DSG1: variants seen among roughly 807,000 people sequenced by gnomAD.
DSG1 encodes desmoglein-1.
Under a neutral mutation model 97.5 loss-of-function variants are expected in DSG1, and 39 were observed. That is an observed-to-expected ratio of 0.40 (90% confidence interval 0.31 to 0.52). The LOEUF is 0.52. Ranked by LOEUF, DSG1 falls within the 20% of genes least tolerant of loss-of-function variation. The pLI is 0.53. For synonymous variants in DSG1, 475 were observed against 443.4 expected (o/e 1.07, Z -0.90); for missense variants, 1,311 against 1,295.4 (o/e 1.01, Z -0.18).
intron 11 of DSG1, among the ~76,000 whole-genome samples, chr18:31,343,075 TA>T (rs946617150): frequency 6.6e-6 from 1 of 151,936 alleles, no homozygotes; most frequent in African/African-American, 2.4e-5. Flanking sequence ...CATACACGCC[TA>T]ATTTTTGTAT....
rs754886287 is a variant in DSG1 at position 31,358,394 on chromosome 18, T to A, written c.*3048T>A. On this transcript the variant is annotated 3_prime_UTR_variant, in exon 15 of 15. Coordinates refer to ENST00000257192, the MANE Select transcript of DSG1 (RefSeq NM_001942.4). The stretch of plus-strand genomic sequence containing the variant: ...CTGAAAAATTAAAAGAAAAAGTACA[T>A]ATTTAGGGTTATTTATATATCTTCA... 2.0e-5 allele frequency among the ~76,000 whole-genome samples: 3 copies of A among 152,020 alleles called. No individual in the cohort carries two copies. The highest frequency in any genetic ancestry group is 2.9e-5 in the Non-Finnish European group (2 of 67,896).
intron 14 of DSG1, among the ~76,000 whole-genome samples, chr18:31,352,763 A>G (rs1427755048): frequency 2.0e-5 from 3 of 149,148 alleles, no homozygotes; most frequent in Non-Finnish European, 2.9e-5. Context: ...TGATCACATC[A>G]GCTCCTGAGG....
At chr18:31,318,474 A>G in intron 1 of DSG1, 126 bp downstream of exon 1, 2 of 805,100 alleles carry the variant, frequency 2.5e-6, no homozygotes, top group East Asian at 2.5e-5. Flanking sequence ...TAATGACAAG[A>G]TGATTTTATG....
intron 6 of DSG1, among the ~76,000 whole-genome samples, chr18:31,332,616 C>T (rs2071728080): frequency 1.3e-5 from 2 of 152,002 alleles, no homozygotes; most frequent in Admixed American, 1.3e-4. Flanking sequence ...CCTAAATGTA[C>T]ATTAGGAGCA....
intron 11 of DSG1, among the ~76,000 whole-genome samples, chr18:31,340,565 A>AG (rs1367153581): frequency 6.6e-6 from 1 of 151,934 alleles, no homozygotes; most frequent in Non-Finnish European, 1.5e-5. Context: ...AAAAAAAAAA[A>AG]AAGAAAAGAA....
chr18:31,334,231 T>C (rs2071738400), intron 8 of DSG1, 29 bp downstream of exon 8: 1 of 1,463,768 alleles, frequency 6.8e-7, no homozygotes. Flanking sequence ...AAATATTTTG[T>C]TTTCTTAATC....
At position 31,329,864 on chromosome 18, in the gene DSG1, G is replaced by C. The variant is rs766940949; in HGVS notation, c.373-28G>C. The C allele has an allele frequency of 9.9e-6, 16 of 1,610,736 alleles. No individual in the cohort carries two copies. In the Admixed American group the frequency reaches 2.3e-4, roughly 24 times the overall value. ...GAACTTAATAAATCTGTGTTTCACT[G>C]TATAATTATTTATCTTTTCTCTCCC... On this transcript the variant is annotated intron_variant, in intron 4 of 14. Transcript: ENST00000257192.
intron 14 of DSG1, among the ~76,000 whole-genome samples, chr18:31,347,187 AG>A (rs2144113196): frequency 6.6e-6 from 1 of 152,356 alleles, no homozygotes; most frequent in Non-Finnish European, 1.5e-5. Context: ...TATTGGTAAA[AG>A]CATTCAAATA....
chr18:31,345,975 G>T lies in DSG1; in HGVS notation c.1892-15G>T. ...AGACTAAAGAAAATAAATTTAATTT[G>T]ATCAACACTTTTAGGAGTTTATACA... On this transcript the variant is annotated splice_polypyrimidine_tract_variant and intron_variant, in intron 13 of 14. Transcript: ENST00000257192. 1.2e-6 allele frequency: 2 copies of T among 1,605,902 alleles called. No individual in the cohort carries two copies. Among genetic ancestry groups the T allele is most frequent in the South Asian group, 1.1e-5 (1 of 90,638 alleles).
rs753832211 is a variant in DSG1, at chr18:31,333,572, G to A, written c.685-17G>A. The stretch of plus-strand genomic sequence containing the variant: ...GTCTACGTCAAGTGTGATATTGCCT[G>A]TAATATGTATTTTTAGCAATACGGC... On this transcript the variant is annotated splice_polypyrimidine_tract_variant and intron_variant, in intron 6 of 14. Coordinates refer to ENST00000257192, the MANE Select transcript of DSG1 (RefSeq NM_001942.4). The A allele has an allele frequency of 6.2e-6, 10 of 1,613,496 alleles. No individual in the cohort carries two copies. The highest frequency in any genetic ancestry group is 1.1e-5 in the South Asian group (1 of 91,076).
chr18:31,340,801 C>T (rs1416711092), intron 11 of DSG1, among the ~76,000 whole-genome samples: 1 of 152,032 alleles, frequency 6.6e-6, no homozygotes, highest in African/African-American at 2.4e-5. Flanking sequence ...TAGGCAGGGG[C>T]CAGGTCTCAA....
Position 31,343,311 on chromosome 18 carries a change from T to C in DSG1, c.1688-139T>C, listed in dbSNP as rs2071802436. The C allele has an allele frequency of 2.1e-5, 26 of 1,218,262 alleles. 1 individual carries two copies. The South Asian group carries it at 3.2e-4, about 15-fold the overall frequency. 75.5% of individuals were successfully genotyped at this position (1,218,262 alleles called of 1,614,324 possible). A position where few individuals can be genotyped will look rare whatever the true frequency, so the allele number is the denominator to read the frequency against. On this transcript the variant is annotated intron_variant, in intron 11 of 14. Coordinates refer to ENST00000257192, the MANE Select transcript of DSG1 (RefSeq NM_001942.4). ...CTTTGGGGTCTGACCATCATTCAGC[T>C]TGTATTCTGAAACTTTCATAATTTT...
At chr18:31,336,304 G>A (rs757783582) in intron 8 of DSG1, 50 bp from the exon 9 acceptor site, 3 of 1,548,104 alleles carry the variant, frequency 1.9e-6, no homozygotes, top group South Asian at 1.2e-5. Flanking sequence ...TCTTTCACCT[G>A]GAACGTTTTA....
rs748372394 is a variant in DSG1, at chr18:31,354,354, A to G, written c.2158A>G (p.Ile720Val). Residue 720 changes from isoleucine to valine, a missense_variant, in exon 15 of 15, where the codon ATA becomes GTA. Coordinates refer to ENST00000257192, the MANE Select transcript of DSG1 (RefSeq NM_001942.4). Reference sequence around the variant, plus strand: ...ACGCCCATCTAATGACTGTTTGCTCATATATGACATCGAAGGTGTAGGTTC... The same window carrying G: ...ACGCCCATCTAATGACTGTTTGCTCGTATATGACATCGAAGGTGTAGGTTC... ...EGRPSNDCLL[I>V]YDIEGVGSPA... 52 of 1,614,222 alleles carry G rather than the reference A, an allele frequency of 3.2e-5. No homozygotes were observed. The highest frequency in any genetic ancestry group is 1.6e-4 in the Middle Eastern group (1 of 6,062).
intron 11 of DSG1, among the ~76,000 whole-genome samples, chr18:31,340,435 A>G (rs2071781623): frequency 6.6e-6 from 1 of 151,706 alleles, no homozygotes; most frequent in African/African-American, 2.4e-5. Context: ...GGTGAAGCCC[A>G]CGTCTCTACT....
chr18:31,349,403 G>A (rs904869265), intron 14 of DSG1, among the ~76,000 whole-genome samples: 33 of 150,990 alleles, frequency 2.2e-4, no homozygotes, highest in African/African-American at 7.7e-4. Flanking sequence ...GTAGTGTGAT[G>A]CCTCCAGCTT....
chr18:31,326,010 TTAA>T (rs1193064335), intron 1 of DSG1, among the ~76,000 whole-genome samples: 1 of 152,044 alleles, frequency 6.6e-6, no homozygotes, highest in African/African-American at 2.4e-5. Context: ...ATCATAATTA[TTAA>T]TATTAGATAC....
At chr18:31,347,447 A>C (rs1222768054) in intron 14 of DSG1, among the ~76,000 whole-genome samples, 1 of 152,148 alleles carries the variant, frequency 6.6e-6, no homozygotes. Flanking sequence ...TCACTCACCC[A>C]AAATGTAAGC....
At chr18:31,339,658 G>A in intron 10 of DSG1, 86 bp from the exon 11 acceptor site, 1 of 1,043,298 alleles carries the variant, frequency 9.6e-7, no homozygotes, top group Non-Finnish European at 1.4e-6. Flanking sequence ...TGAAATAAAT[G>A]TTAATGTAAA....
Sources: gnomAD v4.1 joint callset for allele counts (sites outside exome capture counted in the v4.1 genomes callset) on GRCh38, gnomAD v4.1.1 for gene constraint, MANE v1.5 for transcripts, NCBI Gene and HGNC (gene_info 2026-07-23, HGNC 2026-07-21) for gene names.